The following LINS1 variants were observed in gnomAD, a reference collection of about 807,000 sequenced individuals.
LINS1 encodes lines homolog 1.
LINS1 carries 27 observed loss-of-function variants against 41.6 expected under a neutral mutation model. The ratio of observed to expected loss-of-function variants is 0.65; its 90% CI spans 0.48 to 0.89. The LOEUF is 0.89. Ranked by LOEUF, LINS1 falls within the 40% of genes least tolerant of loss-of-function variation. LINS1 has a pLI of 0.00. For missense variants in LINS1, 955 were observed against 884.1 expected (o/e 1.08, Z -1.02); for synonymous variants, 336 against 312.9 (o/e 1.07, Z -0.78).
Position 100,571,950 on chromosome 15 carries a change from G to T in LINS1, c.1338C>A (p.Asp446Glu). The change falls in exon 6 of 7, where the codon GAC becomes GAA. Residue 446 changes from aspartate to glutamate, a missense_variant. Coordinates refer to ENST00000314742, the MANE Select transcript of LINS1 (RefSeq NM_001040616.3). ...CCTTGGCAGCCTCCAGCATGTCATC[G>T]TCTTGTTCTATGAAAACCCGAGACA... ...KWLSRVFIEQ[D>E]DDMLEAAKAS... The T allele has an allele frequency of 6.2e-7, 1 of 1,614,178 alleles. No individual in the cohort carries two copies. The highest frequency in any genetic ancestry group is 8.5e-7 in the Non-Finnish European group (1 of 1,180,036).
chr15:100,576,531 A>T (rs1023588860), intron 3 of LINS1: 26 of 152,204 alleles, frequency 1.7e-4, no homozygotes, highest in African/African-American at 6.0e-4. Flanking sequence ...AGGCAATAAT[A>T]ATAGCTTACC....
At chr15:100,582,509 C>T (rs1180494241) in intron 1 of LINS1, among the ~76,000 whole-genome samples, 2 of 143,378 alleles carry the variant, frequency 1.4e-5, no homozygotes, top group African/African-American at 5.3e-5. Flanking sequence ...CACTATGGCC[C>T]ACCAGCCTAG....
At chr15:100,589,382 A>C (rs2038939029) in intron 1 of LINS1, among the ~76,000 whole-genome samples, 1 of 152,202 alleles carries the variant, frequency 6.6e-6, no homozygotes, top group South Asian at 2.1e-4. Flanking sequence ...CTGATACTGA[A>C]ATTGTTTTAG....
chr15:100,571,486 A>G (rs1318110446), intron 6 of LINS1, among the ~76,000 whole-genome samples: 1 of 152,234 alleles, frequency 6.6e-6, no homozygotes, highest in Non-Finnish European at 1.5e-5. Context: ...ACGAAAATTC[A>G]GAACAGCTTC....
chr15:100,580,627 T>A lies in LINS1; in HGVS notation c.216A>T (p.Ala72=), dbSNP rs767238103. The A allele has an allele frequency of 6.2e-7, 1 of 1,613,864 alleles. No individual in the cohort carries two copies. The highest frequency in any genetic ancestry group is 8.5e-7 in the Non-Finnish European group (1 of 1,179,944). Residue 72 remains alanine, a synonymous_variant, in exon 2 of 7, where the codon GCA becomes GCT. Coordinates refer to ENST00000314742, the MANE Select transcript of LINS1 (RefSeq NM_001040616.3). The stretch of plus-strand genomic sequence containing the variant: ...GAGAGTTGGTCTTCAAACACACAGG[T>A]GCTACAGCAATGGGAGCCACACCAA... ...ISVGVAPIAV[A]PVCLKTNSQM... is the part of the protein sequence containing the mutation.
chr15:100,591,667 T>C (rs2039043091), intron 1 of LINS1, among the ~76,000 whole-genome samples: 1 of 152,110 alleles, frequency 6.6e-6, no homozygotes, highest in South Asian at 2.1e-4. Flanking sequence ...CTCCCTGAAG[T>C]TCCCATTAAA....
chr15:100,596,858 C>A (rs973869567), intron 1 of LINS1: 3 of 152,192 alleles, frequency 2.0e-5, no homozygotes, highest in African/African-American at 7.2e-5. Flanking sequence ...CTGCATTATG[C>A]CCCATTACCA....
intron 3 of LINS1, among the ~76,000 whole-genome samples, chr15:100,578,856 T>C (rs2038352971): frequency 6.6e-6 from 1 of 152,054 alleles, no homozygotes; most frequent in Non-Finnish European, 1.5e-5. Context: ...TAAAAAATGA[T>C]GAGTTCATGT....
At chr15:100,588,796 G>T (rs2038916392) in intron 1 of LINS1, among the ~76,000 whole-genome samples, 1 of 152,206 alleles carries the variant, frequency 6.6e-6, no homozygotes, top group Non-Finnish European at 1.5e-5. Flanking sequence ...GTTTAAAAGA[G>T]GGGTGTTTAG....
At chr15:100,592,895 A>G (rs1282090797) in intron 1 of LINS1, among the ~76,000 whole-genome samples, 1 of 152,244 alleles carries the variant, frequency 6.6e-6, no homozygotes, top group Non-Finnish European at 1.5e-5. Context: ...CACTGTCTTT[A>G]AAATAAATGT....
intron 1 of LINS1, among the ~76,000 whole-genome samples, chr15:100,585,588 G>A (rs544067665): frequency 3.0e-4 from 45 of 152,236 alleles, no homozygotes; most frequent in African/African-American, 1.0e-3. Flanking sequence ...TATCTATTGC[G>A]GCAAACAAAG....
At chr15:100,584,127 A>C (rs188063940) in intron 1 of LINS1, among the ~76,000 whole-genome samples, 1 of 152,314 alleles carries the variant, frequency 6.6e-6, no homozygotes, top group Admixed American at 6.5e-5. Flanking sequence ...CATTGCACTT[A>C]CTTTATATTT....
rs2038098244 is a variant in LINS1 at position 100,575,270 on chromosome 15, T to A, written c.490-142A>T. On this transcript the variant is annotated intron_variant, in intron 3 of 6. Transcript: ENST00000314742. ...CCGAGAAGGAACAGAAGTATCCTAA[T>A]ATTATTTAAGTAAAAAAATCGAATA... 10 of 649,782 alleles carry A rather than the reference T, an allele frequency of 1.5e-5. No individual in the cohort carries two copies. In the East Asian group the frequency reaches 2.9e-4, roughly 19 times the overall value. 40.3% of individuals were successfully genotyped at this position (649,782 alleles called of 1,614,324 possible).
intron 3 of LINS1, among the ~76,000 whole-genome samples, 175 bp downstream of exon 3, chr15:100,580,088 C>T (rs942828503): frequency 2.0e-5 from 3 of 151,958 alleles, no homozygotes; most frequent in Non-Finnish European, 4.4e-5. Context: ...GGTTAGGTGC[C>T]ACGGCTCTCG....
chr15:100,580,952 T>C lies in LINS1; in HGVS notation c.-103-7A>G, dbSNP rs753426142. 4 of 998,232 alleles carry C rather than the reference T, an allele frequency of 4.0e-6. No homozygotes were observed. In the African/African-American group the frequency reaches 4.9e-5, roughly 12 times the overall value. The allele number at this position is 998,232 out of a possible 1,614,324, so 61.8% of individuals were successfully genotyped here. ...GAAGTTTCTTCAGTGAAACCTAAAATAGGAAAAATAATTTAAAAATTCTAA... is the reference window on the plus strand; with the variant it reads ...GAAGTTTCTTCAGTGAAACCTAAAACAGGAAAAATAATTTAAAAATTCTAA... On this transcript the variant is annotated splice_polypyrimidine_tract_variant and splice_region_variant and intron_variant, in intron 1 of 6. Transcript: ENST00000314742.
intron 1 of LINS1, among the ~76,000 whole-genome samples, chr15:100,599,556 A>G (rs2039385308): frequency 6.6e-6 from 1 of 152,206 alleles, no homozygotes; most frequent in South Asian, 2.1e-4. Context: ...TTAGGCCCCC[A>G]TCTCTCTACT....
chr15:100,597,970 A>G (rs538162454), intron 1 of LINS1, among the ~76,000 whole-genome samples: 35 of 152,370 alleles, frequency 2.3e-4, no homozygotes, highest in African/African-American at 8.4e-4. Context: ...GAAGATGTCA[A>G]TATGTCTTTA....
chr15:100,585,462 G>A lies in LINS1; in HGVS notation c.-103-4517C>T, dbSNP rs1290459951. Among the ~76,000 whole-genome samples the A allele has an allele frequency of 7.2e-5, 11 of 152,214 alleles. No homozygotes were observed. The South Asian group carries it at 1.2e-3, about 17-fold the overall frequency. ...GGCCTGGTTAACATGTGATGCTCTC[G>A]TTTGGAACTGTTTGGACCCAGTGTC... On this transcript the variant is annotated intron_variant, in intron 1 of 6. Coordinates refer to ENST00000314742, the MANE Select transcript of LINS1 (RefSeq NM_001040616.3).
intron 1 of LINS1, among the ~76,000 whole-genome samples, chr15:100,591,964 T>G (rs923928606): frequency 6.6e-6 from 1 of 152,130 alleles, no homozygotes; most frequent in Non-Finnish European, 1.5e-5. Flanking sequence ...GGCAGGGACA[T>G]AGGCTAATTC....
Sources: gnomAD v4.1 joint callset for allele counts (sites outside exome capture counted in the v4.1 genomes callset) on GRCh38, gnomAD v4.1.1 for gene constraint, MANE v1.5 for transcripts, NCBI Gene and HGNC (gene_info 2026-07-23, HGNC 2026-07-21) for gene names.